The following ZNF74 variants were observed in gnomAD, a reference collection of about 807,000 sequenced individuals.
ZNF74 encodes zinc finger protein 74, also known as zinc finger protein 520.
ZNF74 carries 12 observed loss-of-function variants against 17.7 expected under a neutral mutation model. The ratio of observed to expected loss-of-function variants is 0.68; its 90% CI spans 0.43 to 1.10. ZNF74 has a LOEUF of 1.10. ZNF74 is among the 50% of genes least tolerant of loss of function. The probability of loss-of-function intolerance (pLI) is 0.00; values close to 1 mark genes in which losing one functional copy is unlikely to be tolerated. For synonymous variants in ZNF74, 358 were observed against 362.1 expected, an observed-to-expected ratio of 0.99 and a Z score of 0.13; for missense variants, 811 against 881.0, an observed-to-expected ratio of 0.92 and a Z score of 1.01.
In ZNF74 at chr22:20,406,402, G is replaced by A. The variant is rs2052428074; in HGVS notation, c.1369G>A (p.Ala457Thr). 1.9e-6 allele frequency: 3 copies of A among 1,611,798 alleles called. No homozygotes were observed. The highest frequency in any genetic ancestry group is 1.7e-5 in the Admixed American group (1 of 59,860). The change falls in exon 5 of 5, where the codon GCG (alanine) becomes ACG (threonine). Residue 457 changes from alanine to threonine, a missense_variant. Ala to Thr is a moderately conservative substitution (Grantham distance 58). This residue lies in a region of ZNF74 where 666 missense variants were observed against 702.3 expected (regional missense o/e 0.95). Transcript: ENST00000400451. ...ADCGKGFSCH[A>T]YLLVHRRIHS... The stretch of plus-strand genomic sequence containing the variant: ...CTGCGGGAAGGGCTTCAGCTGCCAC[G>A]CGTACCTGCTCGTGCACCGGCGCAT...
rs1280937179 is a variant in ZNF74 at position 20,405,808 on chromosome 22, C to T, written c.775C>T (p.Gln259Ter). ...CGGCGAGTGCGGGAAGGCGTTCCGC[C>T]AGAGCTCCTCCCTCACGCTGCACCG... ...VCGECGKAFR[Q>*]SSSLTLHRRW... The change falls in exon 5 of 5, where the codon CAG becomes TAG. Residue 259 changes from glutamine (Q) to a stop codon, truncating the protein, a stop_gained. Coordinates refer to ENST00000400451, the MANE Select transcript of ZNF74 (RefSeq NM_003426.4). LOFTEE classifies it low-confidence loss of function (END_TRUNC). The T allele has an allele frequency of 6.2e-7, 1 of 1,612,266 alleles. No individual in the cohort carries two copies. Among genetic ancestry groups the T allele is most frequent in the East Asian group, 2.2e-5 (1 of 44,826 alleles).
chr22:20,405,670 G>A lies in ZNF74; in HGVS notation c.637G>A (p.Ala213Thr). 6 of 1,610,964 alleles carry A rather than the reference G, an allele frequency of 3.7e-6. No individual in the cohort carries two copies. Among genetic ancestry groups the A allele is most frequent in the Non-Finnish European group, 5.1e-6 (6 of 1,178,720 alleles). ...NVQATEGRTK[A>T]PARLCAGENA... is the part of the protein sequence containing the mutation. The stretch of plus-strand genomic sequence containing the variant: ...CCAGGCCACTGAGGGCAGAACCAAG[G>A]CCCCCGCGAGACTGTGTGCAGGGGA... The change falls in exon 5 of 5, where the codon GCC becomes ACC. Residue 213 changes from alanine to threonine, a missense_variant. Ala to Thr is a moderately conservative substitution (Grantham distance 58). Around this residue, in one of 3 missense-constraint regions of ZNF74, gnomAD observed 666 missense variants for 702.3 expected, o/e 0.95. Transcript: ENST00000400451.
rs548640768 is a variant in ZNF74 at position 20,406,825 on chromosome 22, G to A, written c.1792G>A (p.Val598Met). 3.5e-5 allele frequency: 57 copies of A among 1,614,064 alleles called. No individual in the cohort carries two copies. The highest frequency in any genetic ancestry group is 4.2e-5 in the Non-Finnish European group (50 of 1,180,038). Residue 598 changes from valine (V) to methionine (M), a missense_variant, in exon 5 of 5, where the codon GTG (valine) becomes ATG (methionine). By Grantham distance (21) the Val-to-Met change is conservative. Around this residue, in one of 3 missense-constraint regions of ZNF74, gnomAD observed 115 missense variants for 119.5 expected, o/e 0.96. Coordinates refer to ENST00000400451, the MANE Select transcript of ZNF74 (RefSeq NM_003426.4). ...FNKHLLSTYY[V>M]PGSLLGAGDA... The stretch of plus-strand genomic sequence containing the variant: ...CAAACACCTGCTCAGCACATACTAC[G>A]TGCCTGGCAGCCTGCTGGGTGCAGG...
intron 4 of ZNF74, among the ~76,000 whole-genome samples, chr22:20,404,957 A>C (rs1246964071): frequency 6.6e-6 from 1 of 152,244 alleles, no homozygotes; most frequent in Non-Finnish European, 1.5e-5. Context: ...ACAAACAAAC[A>C]AAAAACATGT....
chr22:20,404,910 G>T (rs570066611), intron 4 of ZNF74, among the ~76,000 whole-genome samples: 2 of 152,214 alleles, frequency 1.3e-5, no homozygotes, highest in South Asian at 4.2e-4. Context: ...ACTGCACTCC[G>T]GCCTGGGCGA....
rs751123731 is a variant in ZNF74 at position 20,395,051 on chromosome 22, CCTCCTG to C, written c.35-279_35-274del. ...TACAGGCGTGAGCCATCGCTCCTGG[CCTCCTG>C]CTTCTTTCTTCCCCGCGCCCAATCA... On this transcript the variant is annotated intron_variant, in intron 1 of 4. Coordinates refer to ENST00000400451, the MANE Select transcript of ZNF74 (RefSeq NM_003426.4). The C allele has an allele frequency of 1.1e-3, 520 of 457,196 alleles. 1 individual carries two copies. The highest frequency in any genetic ancestry group is 2.9e-3 in the Middle Eastern group (5 of 1,750). The allele number at this position is 457,196 out of a possible 1,614,324, so 28.3% of individuals were successfully genotyped here.
Position 20,401,215 on chromosome 22 carries a change from T to C in ZNF74, c.248-62T>C. On this transcript the variant is annotated intron_variant, in intron 3 of 4. Transcript: ENST00000400451. The surrounding 1 kb of genome is among the most constrained non-coding windows in gnomAD (Gnocchi z 4.2). ...GCATTGTCCTTGTTAGGGGGCGGCC[T>C]GTAAGGTCGACTGGGCCTGGAGAGC... is the stretch of plus-strand genomic sequence containing the variant. 1 of 1,172,354 alleles carries C rather than the reference T, an allele frequency of 8.5e-7. No homozygotes were observed. The highest frequency in any genetic ancestry group is 1.2e-6 in the Non-Finnish European group (1 of 803,358). The allele number at this position is 1,172,354 out of a possible 1,614,324, so 72.6% of individuals were successfully genotyped here.
Position 20,405,612 on chromosome 22 carries a change from G to T in ZNF74, c.579G>T (p.Glu193Asp), listed in dbSNP as rs1031054711. Reference sequence around the variant, plus strand: ...TCTTCGCCCAGCAACGCGTTCCCGAGGGGGGACCCTTGCTGGACACACGCA... The same window carrying T: ...TCTTCGCCCAGCAACGCGTTCCCGATGGGGGACCCTTGCTGGACACACGCA... Reference protein sequence around the residue: ...CPLFAQQRVPEGGPLLDTRKN... With the variant: ...CPLFAQQRVPDGGPLLDTRKN... The change falls in exon 5 of 5, where the codon GAG becomes GAT. Residue 193 changes from glutamate to aspartate, a missense_variant. By Grantham distance (45) the Glu-to-Asp change is conservative (BLOSUM62 2). This residue lies in a region of ZNF74 where 666 missense variants were observed against 702.3 expected (regional missense o/e 0.95). Transcript: ENST00000400451. 3 of 1,613,030 alleles carry T rather than the reference G, an allele frequency of 1.9e-6. No individual in the cohort carries two copies. The highest frequency in any genetic ancestry group is 2.7e-5 in the African/African-American group (2 of 74,894).
Position 20,407,551 on chromosome 22 carries a change from C to G in ZNF74, c.*583C>G, listed in dbSNP as rs1287683379. The G allele has an allele frequency of 6.6e-6, 1 of 152,664 alleles. No individual in the cohort carries two copies. The highest frequency in any genetic ancestry group is 1.5e-5 in the Non-Finnish European group (1 of 68,448). The allele number at this position is 152,664 out of a possible 1,614,324, so 9.5% of individuals were successfully genotyped here. A position where few individuals can be genotyped will look rare whatever the true frequency, so the allele number is the denominator to read the frequency against. ...GCAGCCTGGGTGACAAAGCAAGACC[C>G]TGTGTGAAATTAAAAGGAGGTATAT... On this transcript the variant is annotated 3_prime_UTR_variant, in exon 5 of 5. Coordinates refer to ENST00000400451, the MANE Select transcript of ZNF74 (RefSeq NM_003426.4).
chr22:20,394,761 C>CT (rs112010963), intron 1 of ZNF74, 99 bp downstream of exon 1: 342,711 of 900,484 alleles, frequency 0.38, 30,047 homozygotes, highest in African/African-American at 0.52. Flanking sequence ...CATCCAGCAT[C>CT]TTTTTTTTTT....
chr22:20,403,178 G>A (rs919519705), intron 4 of ZNF74, among the ~76,000 whole-genome samples: 21 of 151,748 alleles, frequency 1.4e-4, no homozygotes, highest in African/African-American at 5.1e-4. Flanking sequence ...TCTTCTCTCT[G>A]CTCTGTGCAA....
chr22:20,396,760 T>C (rs1297202604), intron 2 of ZNF74, among the ~76,000 whole-genome samples: 1 of 152,220 alleles, frequency 6.6e-6, no homozygotes, highest in Non-Finnish European at 1.5e-5. Context: ...TCACTCACAG[T>C]TCAAGTTGTT....
At chr22:20,400,848 T>G in intron 3 of ZNF74, 90 bp downstream of exon 3, 3 of 1,451,966 alleles carry the variant, frequency 2.1e-6, no homozygotes, top group Non-Finnish European at 2.8e-6. Context: ...GTGCCGGCCC[T>G]GGTGCCAGAT....
intron 2 of ZNF74, among the ~76,000 whole-genome samples, chr22:20,397,805 C>T (rs1280832885): frequency 1.3e-5 from 2 of 152,124 alleles, no homozygotes; most frequent in Non-Finnish European, 2.9e-5. Flanking sequence ...TATTTCCTCA[C>T]AGTTCCAGAG....
In ZNF74 at chr22:20,405,713, G is replaced by A. The variant is rs755547226; in HGVS notation, c.680G>A (p.Ser227Asn). 133 of 1,604,050 alleles carry A rather than the reference G, an allele frequency of 8.3e-5. No homozygotes were observed. Among genetic ancestry groups the A allele is most frequent in the Non-Finnish European group, 1.1e-4 (131 of 1,175,674 alleles). ...GCAGGGGAAAACGCCTCCACGCCAA[G>A]TGAGCCAGAAAAGTTCCCCCAGGTG... The part of the protein sequence containing the change: ...LCAGENASTP[S>N]EPEKFPQVRR... The change falls in exon 5 of 5, where the codon AGT becomes AAT. Residue 227 changes from serine to asparagine, a missense_variant. Around this residue, in one of 3 missense-constraint regions of ZNF74, gnomAD observed 666 missense variants for 702.3 expected, o/e 0.95. Transcript: ENST00000400451.
intron 1 of ZNF74, chr22:20,395,100 G>A (rs1006578649): frequency 1.2e-5 from 6 of 486,130 alleles, no homozygotes; most frequent in African/African-American, 7.8e-5. Context: ...CCACTCAGAC[G>A]TGCTTGATTG....
At chr22:20,404,773 C>T (rs2052394309) in intron 4 of ZNF74, among the ~76,000 whole-genome samples, 1 of 152,100 alleles carries the variant, frequency 6.6e-6, no homozygotes, top group South Asian at 2.1e-4. Flanking sequence ...GTGTGGGGAG[C>T]CCTTTTTTCC....
chr22:20,398,775 G>T (rs362030), intron 2 of ZNF74, among the ~76,000 whole-genome samples: 50,577 of 151,882 alleles, frequency 0.33, 10,054 homozygotes, highest in East Asian at 0.45. Flanking sequence ...CATAGATATT[G>T]ATTTGATACC....
Position 20,395,095 on chromosome 22 carries a change from C to T in ZNF74, c.35-238C>T, listed in dbSNP as rs1022045415. 6.2e-6 allele frequency: 3 copies of T among 486,328 alleles called. No homozygotes were observed. In the South Asian group the frequency reaches 9.2e-5, roughly 15 times the overall value. The allele number at this position is 486,328 out of a possible 1,614,324, so 30.1% of individuals were successfully genotyped here. ...CCGCGCCCAATCATTTGTTCCCACT[C>T]AGACGTGCTTGATTGGGGGTAGCAG... On this transcript the variant is annotated intron_variant, in intron 1 of 4. Coordinates refer to ENST00000400451, the MANE Select transcript of ZNF74 (RefSeq NM_003426.4).
Sources: allele counts gnomAD v4.1 joint callset (sites outside exome capture counted in the v4.1 genomes callset), GRCh38; gene constraint gnomAD v4.1.1; regional missense constraint gnomAD v4.1.1; non-coding constraint Gnocchi (gnomAD v3.1); transcripts MANE v1.5; gene names NCBI Gene and HGNC (gene_info 2026-07-23, HGNC 2026-07-21).